Variants in LRRC7 observed in about 807,000 individuals in gnomAD.
LRRC7 encodes leucine rich repeat containing 7.
LRRC7 carries 23 observed loss-of-function variants against 175.7 expected under a neutral mutation model. That is an observed-to-expected ratio of 0.13 (90% confidence interval 0.09 to 0.19). The LOEUF (loss-of-function observed/expected upper bound fraction) is 0.19. Among genes scored for constraint, LRRC7 ranks in the 10% least tolerant of loss-of-function variants. The pLI, the probability that LRRC7 is intolerant of heterozygous loss-of-function variation, is 1.00. For missense variants in LRRC7, 1,354 were observed against 1,904.7 expected (o/e 0.71, Z 5.38); for synonymous variants, 685 against 680.9 (o/e 1.01, Z -0.09).
At chr1:69,728,236 C>T (rs918814601) in intron 2 of LRRC7, among the ~76,000 whole-genome samples, 1 of 152,144 alleles carries the variant, frequency 6.6e-6, no homozygotes, top group Non-Finnish European at 1.5e-5. Flanking sequence ...CCCACTCACA[C>T]TCTCCCTATT....
At chr1:69,681,739 A>T (rs757536022) in intron 2 of LRRC7, among the ~76,000 whole-genome samples, 2 of 152,088 alleles carry the variant, frequency 1.3e-5, no homozygotes, top group African/African-American at 4.8e-5. Context: ...TCTAAGAGTT[A>T]TCTACACTCA....
intron 8 of LRRC7, among the ~76,000 whole-genome samples, chr1:69,964,759 A>G (rs991029869): frequency 2.0e-5 from 3 of 152,238 alleles, no homozygotes; most frequent in Non-Finnish European, 2.9e-5. Flanking sequence ...ACTGAGGATA[A>G]AGAGAGGCAA....
intron 4 of LRRC7, among the ~76,000 whole-genome samples, chr1:69,805,001 G>C (rs550477096): frequency 6.6e-6 from 1 of 151,822 alleles, no homozygotes; most frequent in South Asian, 2.1e-4. Flanking sequence ...TAATGAAAAT[G>C]AATTAATTTG....
At chr1:69,757,032 A>G (rs972839709) in intron 2 of LRRC7, among the ~76,000 whole-genome samples, 1 of 151,968 alleles carries the variant, frequency 6.6e-6, no homozygotes, top group East Asian at 1.9e-4. Flanking sequence ...TAAATCAGGA[A>G]TAGAAGGAAT....
At chr1:69,951,971 G>A (rs1488425337) in intron 8 of LRRC7, among the ~76,000 whole-genome samples, 1 of 151,858 alleles carries the variant, frequency 6.6e-6, no homozygotes, top group Non-Finnish European at 1.5e-5. Context: ...AAGATAGTTA[G>A]AAATATAGAT....
intron 4 of LRRC7, among the ~76,000 whole-genome samples, chr1:69,810,987 A>G (rs563161991): frequency 9.6e-4 from 146 of 152,248 alleles, no homozygotes; most frequent in African/African-American, 3.3e-3. Flanking sequence ...TGAAGAGGCA[A>G]CATACAGAAT....
intron 7 of LRRC7, among the ~76,000 whole-genome samples, chr1:69,905,313 T>C (rs1455025419): frequency 6.6e-6 from 1 of 152,072 alleles, no homozygotes. Context: ...ATGTGCAGGT[T>C]TGTTACATAT....
rs529768646 is a variant in LRRC7 at position 69,907,744 on chromosome 1, A to C, written c.648-23763A>C. On this transcript the variant is annotated intron_variant, in intron 7 of 26. Coordinates refer to ENST00000651989, the MANE Select transcript of LRRC7 (RefSeq NM_001370785.2). ...TCTCTTTTTTGGTTGTGTCTCTGTCAGGCTTTGGTATCAGGATGATGCTGG... is the reference window on the plus strand; with the variant it reads ...TCTCTTTTTTGGTTGTGTCTCTGTCCGGCTTTGGTATCAGGATGATGCTGG... 4.6e-5 allele frequency among the ~76,000 whole-genome samples: 7 copies of C among 152,236 alleles called. No individual in the cohort carries two copies. In the East Asian group the frequency reaches 5.8e-4, roughly 13 times the overall value.
At chr1:69,854,902 T>A (rs116400394) in intron 7 of LRRC7, among the ~76,000 whole-genome samples, 1,883 of 152,112 alleles carry the variant, frequency 0.012, 33 homozygotes, top group African/African-American at 0.042. Flanking sequence ...CATGGCGAAG[T>A]GGGGGGGACC....
At chr1:69,834,693 A>AT (rs1680913272) in intron 5 of LRRC7, 87 bp from the exon 6 acceptor site, 2 of 979,238 alleles carry the variant, frequency 2.0e-6, no homozygotes, top group Admixed American at 4.1e-5. Context: ...TTACATTTCT[A>AT]TTTTTTCTCC....
intron 1 of LRRC7, among the ~76,000 whole-genome samples, chr1:69,678,114 C>T (rs927925657): frequency 1.8e-4 from 27 of 152,106 alleles, no homozygotes; most frequent in South Asian, 1.0e-3. Context: ...GGACATATTC[C>T]GTCCATGGCA....
intron 9 of LRRC7, among the ~76,000 whole-genome samples, chr1:69,981,145 C>A (rs896321846): frequency 6.6e-6 from 1 of 152,106 alleles, no homozygotes; most frequent in South Asian, 2.1e-4. Context: ...AGAGAGACAG[C>A]GAGAGAGCGC....
chr1:70,089,471 C>A (rs892383285), intron 24 of LRRC7, among the ~76,000 whole-genome samples: 1 of 152,102 alleles, frequency 6.6e-6, no homozygotes, highest in African/African-American at 2.4e-5. Flanking sequence ...AAATTTAGTC[C>A]TGTACATGGT....
intron 8 of LRRC7, among the ~76,000 whole-genome samples, chr1:69,977,516 C>A (rs895546629): frequency 6.6e-6 from 1 of 152,104 alleles, no homozygotes; most frequent in Non-Finnish European, 1.5e-5. Context: ...TGTATCCATT[C>A]TTCTCATTCT....
At chr1:69,692,545 G>A (rs1054252857) in intron 2 of LRRC7, among the ~76,000 whole-genome samples, 2 of 152,130 alleles carry the variant, frequency 1.3e-5, no homozygotes, top group Non-Finnish European at 1.5e-5. Flanking sequence ...CAGAGAGGAG[G>A]AGCAATGTGG....
At chr1:69,678,602 CT>C (rs1211472927) in intron 2 of LRRC7, 124 bp downstream of exon 2, 18 of 669,246 alleles carry the variant, frequency 2.7e-5, no homozygotes, top group Non-Finnish European at 4.7e-5. Flanking sequence ...TCGAGTTGGT[CT>C]TTTAAAATAA....
At chr1:69,814,368 G>A (rs1385720623) in intron 4 of LRRC7, among the ~76,000 whole-genome samples, 1 of 152,032 alleles carries the variant, frequency 6.6e-6, no homozygotes, top group Non-Finnish European at 1.5e-5. Flanking sequence ...TTTTTTCACA[G>A]TGACAAAGTG....
intron 3 of LRRC7, among the ~76,000 whole-genome samples, chr1:69,774,561 A>C (rs1432043695): frequency 6.6e-6 from 1 of 152,220 alleles, no homozygotes; most frequent in African/African-American, 2.4e-5. Context: ...AAGAAAAGTG[A>C]GGTGATTTAT....
chr1:69,942,149 A>G (rs1648787291), intron 8 of LRRC7, among the ~76,000 whole-genome samples: 1 of 152,134 alleles, frequency 6.6e-6, no homozygotes, highest in Non-Finnish European at 1.5e-5. Context: ...GAGGATTTCC[A>G]GAAGCCATTT....
Sources: gnomAD v4.1 joint callset for allele counts (sites outside exome capture counted in the v4.1 genomes callset) on GRCh38, gnomAD v4.1.1 for gene constraint, MANE v1.5 for transcripts, NCBI Gene and HGNC (gene_info 2026-07-23, HGNC 2026-07-21) for gene names.